Variants in GNAS observed in about 807,000 individuals in gnomAD.
GNAS encodes the protein GNAS complex locus, also known as protein ALEX.
A neutral mutation model predicts 54.5 loss-of-function variants in GNAS; 8 were observed. That is an observed-to-expected ratio of 0.15 (90% confidence interval 0.09 to 0.26). The LOEUF (loss-of-function observed/expected upper bound fraction) is 0.26, where lower values mean the gene tolerates loss of function less well. GNAS is among the 10% of genes least tolerant of loss of function. GNAS has a pLI of 1.00. For missense variants in GNAS, 170 were observed against 529.8 expected, an observed-to-expected ratio of 0.32 and a Z score of 6.67; for synonymous variants, 204 against 191.4, an observed-to-expected ratio of 1.07 and a Z score of -0.54.
chr20:58,894,968 A>G lies in GNAS; in HGVS notation c.140-644A>G, dbSNP rs12624462. On this transcript the variant is annotated intron_variant, in intron 1 of 12. Coordinates refer to ENST00000371085, the MANE Select transcript of GNAS (RefSeq NM_000516.7). ...AGAGGGAATTTATCTTTAGAAAGAT[A>G]TAGTTTGTGAGGAAAGAGGAGGATG... Among the ~76,000 whole-genome samples, 3 of 152,342 alleles carry G rather than the reference A, an allele frequency of 2.0e-5. No individual in the cohort carries two copies. In the East Asian group the frequency reaches 5.8e-4, roughly 29 times the overall value.
chr20:58,846,212 GT>G (rs2085934308), intron 1 of GNAS, among the ~76,000 whole-genome samples: 1 of 152,220 alleles, frequency 6.6e-6, no homozygotes, highest in Admixed American at 6.5e-5. Context: ...AAATTTGGCG[GT>G]TATAAAGAAA....
chr20:58,909,609 A>C lies in GNAS; in HGVS notation c.718+30A>C, dbSNP rs1203533305. 1.2e-6 allele frequency: 2 copies of C among 1,613,978 alleles called. No individual in the cohort carries two copies. Among genetic ancestry groups the C allele is most frequent in the Non-Finnish European group, 1.7e-6 (2 of 1,179,996 alleles). On this transcript the variant is annotated intron_variant, in intron 9 of 12. Coordinates refer to ENST00000371085, the MANE Select transcript of GNAS (RefSeq NM_000516.7). This position sits in a 1 kb window ranked among gnomAD's most constrained non-coding sequence, Gnocchi z 7.3. ...GATGCTGTGGGCTTGGCTGTTCGTA[A>C]AGAACGCTTTGCTTCTGTGTTGTTA...
At chr20:58,854,300 G>T in intron 1 of GNAS, 1 of 1,605,616 alleles carries the variant, frequency 6.2e-7, no homozygotes. Context: ...CCCCAGATAA[G>T]AGAGAGCGAG....
intron 3 of GNAS, chr20:58,900,442 C>T (rs1309223248): frequency 5.1e-6 from 1 of 196,660 alleles, no homozygotes; most frequent in African/African-American, 2.4e-5. Context: ...TTCTGTCTTC[C>T]TTCCTTTGTC....
At chr20:58,860,026 T>TTG (rs1207934485) in intron 1 of GNAS, among the ~76,000 whole-genome samples, 1 of 152,228 alleles carries the variant, frequency 6.6e-6, no homozygotes, top group Non-Finnish European at 1.5e-5. Flanking sequence ...TAAAGCATTA[T>TTG]TTAAATGTAA....
At chr20:58,905,118 C>G (rs1462455603) in intron 5 of GNAS, among the ~76,000 whole-genome samples, 1 of 152,218 alleles carries the variant, frequency 6.6e-6, no homozygotes, top group Non-Finnish European at 1.5e-5. Flanking sequence ...TAGCTTACCC[C>G]ATTCCCCCTA....
intron 1 of GNAS, chr20:58,854,887 C>T (rs1378353411): frequency 6.3e-7 from 1 of 1,594,366 alleles, no homozygotes; most frequent in South Asian, 1.1e-5. Flanking sequence ...GCCGATCCGC[C>T]TACTCCGCGG....
chr20:58,842,761 C>T lies in GNAS; in HGVS notation c.43+1875C>T, dbSNP rs148312746. ...CTCTGGTAATGTCTCAGCCTGAGTT[C>T]ACCAAGCAAAATGTCTCTAGGGACA... On this transcript the variant is annotated intron_variant, in intron 1 of 12. Coordinates refer to the GNAS transcript ENST00000306090. 7.3e-4 allele frequency among the ~76,000 whole-genome samples: 111 copies of T among 152,254 alleles called. 1 individual carries two copies. Among genetic ancestry groups the T allele is most frequent in the South Asian group, 1.9e-3 (9 of 4,816 alleles).
chr20:58,845,022 A>AGTGTGTGTTTTACGTGT (rs934695220), intron 1 of GNAS, among the ~76,000 whole-genome samples: 1 of 126,080 alleles, frequency 7.9e-6, no homozygotes, highest in Non-Finnish European at 1.8e-5. Context: ...AGTCGTATTT[A>AGTGTGTGTTTTACGTGT]GTGTGTGTTT....
At chr20:58,854,465 C>T (rs908810796) in intron 1 of GNAS, 3 of 1,581,502 alleles carry the variant, frequency 1.9e-6, no homozygotes, top group Non-Finnish European at 2.6e-6. Flanking sequence ...CAGCCCCAGC[C>T]GATCCTGACT....
chr20:58,902,153 GA>G (rs2090671944), intron 3 of GNAS, among the ~76,000 whole-genome samples: 1 of 151,740 alleles, frequency 6.6e-6, no homozygotes, highest in African/African-American at 2.4e-5. Flanking sequence ...TTCCCTGTCA[GA>G]GAGGCAGGAC....
intron 1 of GNAS, chr20:58,848,925 G>T (rs571189535): frequency 3.6e-4 from 143 of 398,572 alleles, no homozygotes; most frequent in African/African-American, 2.6e-3. Context: ...TCACTACAGA[G>T]AAATAACAGG....
rs763548981 is a variant in GNAS, at chr20:58,854,797, G to C, written c.43+13911G>C. 1.3e-6 allele frequency: 2 copies of C among 1,578,874 alleles called. No homozygotes were observed. The highest frequency in any genetic ancestry group is 4.6e-5 in the East Asian group (2 of 43,522). ...TCTGCCACCCGGGCAGCCCAAGTCC[G>C]CCGGGCGGCCTCTGCAGCCCCTGCC... On this transcript the variant is annotated intron_variant, in intron 1 of 12. Coordinates refer to the GNAS transcript ENST00000306090.
chr20:58,851,638 G>A (rs965169185), intron 1 of GNAS, among the ~76,000 whole-genome samples: 2 of 152,230 alleles, frequency 1.3e-5, no homozygotes, highest in African/African-American at 4.8e-5. Flanking sequence ...GCCACCAGGT[G>A]GTGTGGGCAT....
At chr20:58,847,175 G>A (rs1323812107) in intron 1 of GNAS, among the ~76,000 whole-genome samples, 1 of 152,026 alleles carries the variant, frequency 6.6e-6, no homozygotes, top group Non-Finnish European at 1.5e-5. Flanking sequence ...TGAGTGAAGG[G>A]GTCTGAACTC....
chr20:58,865,528 T>C (rs893321868), intron 1 of GNAS, among the ~76,000 whole-genome samples: 2 of 145,974 alleles, frequency 1.4e-5, no homozygotes, highest in African/African-American at 2.6e-5. Context: ...ATATATATCA[T>C]CTATAATATA....
chr20:58,907,569 T>TA, intron 6 of GNAS, among the ~76,000 whole-genome samples: 2 of 152,352 alleles, frequency 1.3e-5, no homozygotes, highest in Non-Finnish European at 2.9e-5. Context: ...TAATTAACAG[T>TA]AGCTTAGCCA....
In GNAS at chr20:58,863,335, C is replaced by T. The variant is rs1714214719; in HGVS notation, c.43+22449C>T. Among the ~76,000 whole-genome samples the T allele has an allele frequency of 6.6e-6, 1 of 152,044 alleles. No individual in the cohort carries two copies. Among genetic ancestry groups the T allele is most frequent in the Non-Finnish European group, 1.5e-5 (1 of 68,006 alleles). On this transcript the variant is annotated intron_variant, in intron 1 of 12. Transcript: ENST00000306090. The surrounding 1 kb of genome is among the most constrained non-coding windows in gnomAD (Gnocchi z 4.1). ...TGCATTGCAGAGTAATTTGTTAAAC[C>T]TCAGGAGTATTTAAATTCAGGAGTA... is the stretch of plus-strand genomic sequence containing the variant.
At chr20:58,900,319 C>T (rs1170462116) in intron 3 of GNAS, 1 of 295,080 alleles carries the variant, frequency 3.4e-6, no homozygotes, top group Non-Finnish European at 6.3e-6. Context: ...CCTACTAATA[C>T]CTTGGCCTGC....
Sources: gnomAD v4.1 joint callset for allele counts (sites outside exome capture counted in the v4.1 genomes callset) on GRCh38, gnomAD v4.1.1 for gene constraint, Gnocchi (gnomAD v3.1) non-coding constraint, MANE v1.5 for transcripts, NCBI Gene and HGNC (gene_info 2026-07-23, HGNC 2026-07-21) for gene names.